The following OLA1 variants were observed in gnomAD, a reference collection of about 807,000 sequenced individuals.
The protein encoded by OLA1 is Obg like ATPase 1.
In OLA1, 14 loss-of-function variants were observed where a neutral mutation model predicts 48.4. The observed-to-expected ratio is 0.29, with a 90% CI of 0.19 to 0.45. OLA1 has a LOEUF of 0.45. Among genes scored for constraint, OLA1 ranks in the 20% least tolerant of loss-of-function variants. The pLI is 1.00. For missense variants in OLA1, 325 were observed against 467.1 expected (o/e 0.70, Z 2.80); for synonymous variants, 127 against 150.4 (o/e 0.84, Z 1.14).
chr2:174,161,251 T>C (rs529373439), intron 4 of OLA1, among the ~76,000 whole-genome samples: 3 of 152,272 alleles, frequency 2.0e-5, no homozygotes, highest in South Asian at 4.1e-4. Flanking sequence ...ACAACATAAG[T>C]TATAGTAACA....
At chr2:174,083,841 A>T (rs1684910978) in intron 7 of OLA1, among the ~76,000 whole-genome samples, 1 of 152,230 alleles carries the variant, frequency 6.6e-6, no homozygotes, top group East Asian at 1.9e-4. Flanking sequence ...TAAAAATATC[A>T]TACACACTTT....
chr2:174,161,942 A>G (rs1687022448), intron 4 of OLA1, among the ~76,000 whole-genome samples: 1 of 152,168 alleles, frequency 6.6e-6, no homozygotes, highest in Non-Finnish European at 1.5e-5. Context: ...CATGGCCCAT[A>G]CTGTCAAGGA....
intron 2 of OLA1, 120 bp from the exon 3 acceptor site, chr2:174,229,571 G>A: frequency 1.5e-6 from 1 of 686,824 alleles, no homozygotes; most frequent in Non-Finnish European, 2.4e-6. Context: ...TCTACAAAGA[G>A]AGGGAAAAAG....
intron 4 of OLA1, among the ~76,000 whole-genome samples, chr2:174,220,848 A>C (rs1369880987): frequency 2.0e-5 from 3 of 152,214 alleles, no homozygotes; most frequent in Non-Finnish European, 4.4e-5. Flanking sequence ...AAAACTTCTC[A>C]TTAACAATTT....
chr2:174,075,622 T>C, intron 10 of OLA1, 95 bp from the exon 11 acceptor site: 1 of 713,862 alleles, frequency 1.4e-6, no homozygotes, highest in Admixed American at 3.0e-5. Flanking sequence ...ATTATACTAC[T>C]TGGGTGATAT....
At chr2:174,087,141 C>G (rs1685000215) in intron 7 of OLA1, among the ~76,000 whole-genome samples, 1 of 151,784 alleles carries the variant, frequency 6.6e-6, no homozygotes, top group Non-Finnish European at 1.5e-5. Context: ...ATTCTCCTAC[C>G]TCAGCCTCCT....
At position 174,093,299 on chromosome 2, in the gene OLA1, T is replaced by C. The variant is rs147385909; in HGVS notation, c.729-11235A>G. ...CCATCTCTATGAATAAAAAATAAAATAAAATAAAATAATAAAAAAATTAGC... is the reference window on the plus strand; with the variant it reads ...CCATCTCTATGAATAAAAAATAAAACAAAATAAAATAATAAAAAAATTAGC... On this transcript the variant is annotated intron_variant, in intron 7 of 10. Transcript: ENST00000284719. 1.6e-4 allele frequency among the ~76,000 whole-genome samples: 24 copies of C among 151,580 alleles called. 2 individuals carry two copies. In the East Asian group the frequency reaches 4.7e-3, roughly 29 times the overall value.
chr2:174,228,938 C>T (rs1469106680), intron 3 of OLA1, among the ~76,000 whole-genome samples: 3 of 152,112 alleles, frequency 2.0e-5, no homozygotes, highest in Middle Eastern at 3.2e-3. Context: ...AGTGCAGTGG[C>T]GTAACTTGGC....
intron 5 of OLA1, among the ~76,000 whole-genome samples, chr2:174,124,618 A>G (rs74438687): frequency 0.053 from 8,024 of 152,268 alleles, 288 homozygotes; most frequent in Middle Eastern, 0.14. Flanking sequence ...CTCTTCCAGA[A>G]GAAGTGCATT....
intron 7 of OLA1, among the ~76,000 whole-genome samples, chr2:174,101,652 T>G (rs1685400614): frequency 6.6e-6 from 1 of 152,200 alleles, no homozygotes; most frequent in Non-Finnish European, 1.5e-5. Flanking sequence ...TGGAAGTGTT[T>G]GAAGCTAATC....
intron 4 of OLA1, among the ~76,000 whole-genome samples, chr2:174,210,704 A>T (rs1688221612): frequency 6.6e-6 from 1 of 152,330 alleles, no homozygotes; most frequent in East Asian, 1.9e-4. Context: ...TACTGATTAT[A>T]TCAAACAACA....
intron 7 of OLA1, among the ~76,000 whole-genome samples, chr2:174,116,360 T>C (rs1364434415): frequency 6.6e-6 from 1 of 152,252 alleles, no homozygotes; most frequent in Non-Finnish European, 1.5e-5. Context: ...CTAATGTTTT[T>C]GATGGGACAT....
chr2:174,174,258 T>C (rs1363603855), intron 4 of OLA1, among the ~76,000 whole-genome samples: 1 of 148,646 alleles, frequency 6.7e-6, no homozygotes, highest in Non-Finnish European at 1.5e-5. Context: ...TAATCCCTCA[T>C]TAATACAGAT....
intron 7 of OLA1, among the ~76,000 whole-genome samples, chr2:174,100,764 T>C (rs985934584): frequency 1.3e-5 from 2 of 152,202 alleles, no homozygotes; most frequent in Admixed American, 1.3e-4. Context: ...TATATGCACA[T>C]ATAACTATCC....
intron 3 of OLA1, among the ~76,000 whole-genome samples, chr2:174,224,281 C>T (rs577283382): frequency 6.6e-6 from 1 of 152,178 alleles, no homozygotes; most frequent in East Asian, 1.9e-4. Flanking sequence ...GCATCCACTG[C>T]CCCCTCTCGG....
chr2:174,115,671 C>T (rs776782380), intron 7 of OLA1, among the ~76,000 whole-genome samples: 9 of 152,068 alleles, frequency 5.9e-5, no homozygotes, highest in Non-Finnish European at 1.3e-4. Context: ...TCCTATAACT[C>T]GTATTCTGTT....
chr2:174,100,659 G>A (rs1226997784), intron 7 of OLA1, among the ~76,000 whole-genome samples: 1 of 152,082 alleles, frequency 6.6e-6, no homozygotes, highest in Non-Finnish European at 1.5e-5. Context: ...CCCCGCCTCA[G>A]CCTCCAGAAA....
chr2:174,180,069 T>C (rs867853308), intron 4 of OLA1, among the ~76,000 whole-genome samples: 97 of 152,214 alleles, frequency 6.4e-4, no homozygotes, highest in Middle Eastern at 3.4e-3. Context: ...CTTAAGTTTA[T>C]TTTATAACAT....
intron 4 of OLA1, among the ~76,000 whole-genome samples, chr2:174,149,614 T>A (rs756664854): frequency 5.9e-5 from 9 of 152,216 alleles, no homozygotes; most frequent in Non-Finnish European, 1.3e-4. Flanking sequence ...GTACCTCCCT[T>A]ACTGAGGTCC....
Sources: allele counts gnomAD v4.1 joint callset (sites outside exome capture counted in the v4.1 genomes callset), GRCh38; gene constraint gnomAD v4.1.1; transcripts MANE v1.5; gene names NCBI Gene and HGNC (gene_info 2026-07-23, HGNC 2026-07-21).